Variants in LHCGR observed in about 807,000 individuals in gnomAD.
LHCGR encodes lutropin-choriogonadotropic hormone receptor.
Under a neutral mutation model 60.7 loss-of-function variants are expected in LHCGR, and 55 were observed. The ratio of observed to expected loss-of-function variants is 0.91; its 90% CI spans 0.73 to 1.13. LHCGR has a LOEUF of 1.13. Among genes scored for constraint, LHCGR ranks in the 50% most tolerant of loss-of-function variants. The probability of loss-of-function intolerance (pLI) is 0.00; values close to 1 mark genes in which losing one functional copy is unlikely to be tolerated. For missense variants in LHCGR, 862 were observed against 836.0 expected (o/e 1.03, Z -0.38); for synonymous variants, 337 against 316.5 (o/e 1.06, Z -0.69).
chr2:48,697,668 G>A (rs1338281564), intron 9 of LHCGR, among the ~76,000 whole-genome samples: 8 of 152,098 alleles, frequency 5.3e-5, no homozygotes, highest in Non-Finnish European at 7.4e-5. Flanking sequence ...AGCAGCATCT[G>A]GTGTCACTCT....
At chr2:48,713,637 G>C (rs1329319101) in intron 7 of LHCGR, among the ~76,000 whole-genome samples, 1 of 152,106 alleles carries the variant, frequency 6.6e-6, no homozygotes, top group Non-Finnish European at 1.5e-5. Context: ...TCTGCAGTGG[G>C]GCCAGGAGAA....
chr2:48,748,585 A>C (rs934445911), intron 1 of LHCGR, among the ~76,000 whole-genome samples: 5 of 152,228 alleles, frequency 3.3e-5, no homozygotes, highest in African/African-American at 1.2e-4. Context: ...AACACCTCCC[A>C]GGAACAAAAC....
At chr2:48,714,155 AG>A in intron 6 of LHCGR, 101 bp from the exon 7 acceptor site, 1 of 786,418 alleles carries the variant, frequency 1.3e-6, no homozygotes, top group Non-Finnish European at 2.2e-6. Flanking sequence ...AGGTTATTAC[AG>A]GCATTCATAA....
chr2:48,717,747 A>C (rs967537342), intron 6 of LHCGR, among the ~76,000 whole-genome samples: 3 of 151,816 alleles, frequency 2.0e-5, no homozygotes, highest in Non-Finnish European at 4.4e-5. Flanking sequence ...GGGCTGCACT[A>C]AATGTACTCA....
In LHCGR at chr2:48,723,469, C is replaced by A; in HGVS notation, c.523G>T (p.Glu175Ter). 6.2e-7 allele frequency: 1 copy of A among 1,609,170 alleles called. No homozygotes were observed. The highest frequency in any genetic ancestry group is 1.1e-5 in the South Asian group (1 of 90,960). Residue 175 changes from glutamate to a stop codon, truncating the protein, a stop_gained, in exon 6 of 11, where the codon GAA becomes TAA. Coordinates refer to ENST00000294954, the MANE Select transcript of LHCGR (RefSeq NM_000233.4). LOFTEE classifies it high-confidence loss of function. ...PGNAFQGMNN[E>*]SVTLKLYGNG... ...GAGTTTACTCACAGTGTTACAGATT[C>A]ATTATTCATCCCTTGAAAAGCATTT...
At chr2:48,752,618 C>G (rs115807318) in intron 1 of LHCGR, among the ~76,000 whole-genome samples, 272 of 151,738 alleles carry the variant, frequency 1.8e-3, no homozygotes, top group African/African-American at 6.2e-3. Context: ...CATTCATCAT[C>G]AAGAAAAGAG....
rs577320550 is a variant in LHCGR, at chr2:48,694,242, T to G, written c.929A>C (p.Lys310Thr). ...TACTTACAGTGTTTTGTTATTCACT[T>G]TCCTTACTGTGCTTTCACATTGTTT... ...FSKQCESTVRKVNNKTLYSSM... is the reference protein window; with the variant it reads ...FSKQCESTVRTVNNKTLYSSM... The change falls in exon 10 of 11, where the codon AAA becomes ACA. Residue 310 changes from lysine to threonine, a missense_variant. Coordinates refer to ENST00000294954, the MANE Select transcript of LHCGR (RefSeq NM_000233.4). The G allele has an allele frequency of 6.9e-6, 11 of 1,587,562 alleles. No individual in the cohort carries two copies. The Admixed American group carries it at 1.9e-4, about 27-fold the overall frequency.
At chr2:48,750,999 T>C (rs1159965531) in intron 1 of LHCGR, among the ~76,000 whole-genome samples, 2 of 152,228 alleles carry the variant, frequency 1.3e-5, no homozygotes, top group Admixed American at 6.5e-5. Flanking sequence ...AAACCTGCTC[T>C]GGCAGAAGAG....
chr2:48,695,912 TGGGTTG>T (rs2104385157), intron 9 of LHCGR, among the ~76,000 whole-genome samples: 1 of 152,246 alleles, frequency 6.6e-6, no homozygotes, highest in East Asian at 1.9e-4. Flanking sequence ...GAGGGAGGCA[TGGGTTG>T]AAAACTATCT....
intron 1 of LHCGR, among the ~76,000 whole-genome samples, chr2:48,747,914 A>G (rs1276516190): frequency 6.6e-6 from 1 of 152,210 alleles, no homozygotes; most frequent in Non-Finnish European, 1.5e-5. Context: ...GTTGTTGCTC[A>G]GTGAGAGGAC....
rs572148403 is a variant in LHCGR, at chr2:48,693,455, C to A, written c.947+769G>T. Among the ~76,000 whole-genome samples the A allele has an allele frequency of 3.9e-5, 6 of 152,210 alleles. No individual in the cohort carries two copies. The East Asian group carries it at 1.2e-3, about 29-fold the overall frequency. On this transcript the variant is annotated intron_variant, in intron 10 of 10. Transcript: ENST00000294954. ...GTCCAGGGTCATTCCACCGTACCAA[C>A]CTGAAGCATCTGTCTAACTTGGAGA...
intron 3 of LHCGR, among the ~76,000 whole-genome samples, chr2:48,726,795 G>A (rs1298230503): frequency 1.3e-5 from 2 of 152,080 alleles, no homozygotes; most frequent in South Asian, 4.2e-4. Context: ...TTGTTTTTGA[G>A]GAATAAATAT....
chr2:48,749,260 A>G (rs1572897468), intron 1 of LHCGR, among the ~76,000 whole-genome samples: 1 of 152,182 alleles, frequency 6.6e-6, no homozygotes, highest in Non-Finnish European at 1.5e-5. Context: ...GTACATGAGG[A>G]CCCTGTGGAG....
chr2:48,737,030 G>A (rs899962867), intron 1 of LHCGR, among the ~76,000 whole-genome samples: 2 of 152,216 alleles, frequency 1.3e-5, no homozygotes, highest in African/African-American at 4.8e-5. Flanking sequence ...CCCTCAGGCT[G>A]AGGAGGTGCA....
chr2:48,708,990 A>G lies in LHCGR; in HGVS notation c.638T>C (p.Met213Thr), dbSNP rs1383068755. ...ELKENVHLEK[M>T]HNGAFRGATG... ...GGCCCCACGGAAGGCTCCATTGTGCATCTTCTCCAGATGTACGTTTTCCTT... is the reference window on the plus strand; with the variant it reads ...GGCCCCACGGAAGGCTCCATTGTGCGTCTTCTCCAGATGTACGTTTTCCTT... The change falls in exon 8 of 11, where the codon ATG (methionine) becomes ACG (threonine). Residue 213 changes from methionine (M) to threonine (T), a missense_variant. Physicochemically the swap from Met to Thr is moderately conservative, Grantham distance 81. Transcript: ENST00000294954. 1.2e-6 allele frequency: 2 copies of G among 1,614,212 alleles called. No individual in the cohort carries two copies. Among genetic ancestry groups the G allele is most frequent in the Non-Finnish European group, 1.7e-6 (2 of 1,180,014 alleles).
At chr2:48,733,009 C>T (rs1415758266) in intron 1 of LHCGR, 1 of 528,452 alleles carries the variant, frequency 1.9e-6, no homozygotes, top group Non-Finnish European at 3.9e-6. Context: ...TCCTATATTT[C>T]TTCTGGAATC....
chr2:48,688,462 G>A lies in LHCGR; in HGVS notation c.1335C>T (p.Phe445=). 6.2e-7 allele frequency: 1 copy of A among 1,614,130 alleles called. No individual in the cohort carries two copies. ...CAGAAAGTTCACTTGCGAATACAGT[G>A]AAAAAGCCAGCAGTGCTGCACCCAC... ...TGSGCSTAGF[F]TVFASELSVY... The change falls in exon 11 of 11, where the codon TTC becomes TTT. Residue 445 remains phenylalanine, a synonymous_variant. Coordinates refer to ENST00000294954, the MANE Select transcript of LHCGR (RefSeq NM_000233.4). The surrounding 1 kb of genome is among the most constrained non-coding windows in gnomAD (Gnocchi z 5.2).
intron 3 of LHCGR, among the ~76,000 whole-genome samples, chr2:48,727,306 G>C (rs185911613): frequency 6.6e-6 from 1 of 152,022 alleles, no homozygotes; most frequent in Admixed American, 6.6e-5. Context: ...TTTGGGGCCT[G>C]ACCTTAGCCC....
intron 10 of LHCGR, among the ~76,000 whole-genome samples, chr2:48,694,012 T>A (rs1166667566): frequency 6.6e-6 from 1 of 151,934 alleles, no homozygotes; most frequent in Non-Finnish European, 1.5e-5. Context: ...TTAAGGAACA[T>A]TTTAAAATAG....
Sources: gnomAD v4.1 joint callset for allele counts (sites outside exome capture counted in the v4.1 genomes callset) on GRCh38, gnomAD v4.1.1 for gene constraint, Gnocchi (gnomAD v3.1) non-coding constraint, MANE v1.5 for transcripts, NCBI Gene and HGNC (gene_info 2026-07-23, HGNC 2026-07-21) for gene names.